Variants in RAB43 observed in about 807,000 individuals in gnomAD.
RAB43 encodes ras-related protein Rab-43.
RAB43 carries 6 observed loss-of-function variants against 18.8 expected under a neutral mutation model. The observed-to-expected ratio is 0.32, with a 90% CI of 0.17 to 0.63. RAB43 has a LOEUF of 0.63. Among genes scored for constraint, RAB43 ranks in the 30% least tolerant of loss-of-function variants. The pLI, the probability that RAB43 is intolerant of heterozygous loss-of-function variation, is 0.79. For synonymous variants in RAB43, 103 were observed against 124.1 expected, an observed-to-expected ratio of 0.83 and a Z score of 1.13; for missense variants, 195 against 289.1, an observed-to-expected ratio of 0.67 and a Z score of 2.36.
chr3:129,108,788 T>C (rs1157450899), intron 1 of RAB43, among the ~76,000 whole-genome samples: 1 of 152,162 alleles, frequency 6.6e-6, no homozygotes, highest in African/African-American at 2.4e-5. Flanking sequence ...GAGAAATCTT[T>C]AGAAATCAAC....
chr3:129,098,704 C>T (rs920017803), intron 1 of RAB43, among the ~76,000 whole-genome samples: 15 of 151,800 alleles, frequency 9.9e-5, no homozygotes, highest in East Asian at 1.9e-4. Flanking sequence ...AATGAGTGGA[C>T]GAATAGGGGA....
chr3:129,101,026 G>C (rs190833331), intron 1 of RAB43, among the ~76,000 whole-genome samples: 2 of 152,066 alleles, frequency 1.3e-5, no homozygotes, highest in Admixed American at 6.6e-5. Context: ...GGCTGGTCTC[G>C]AACTTCTGAC....
intron 1 of RAB43, among the ~76,000 whole-genome samples, chr3:129,115,650 T>A (rs958868691): frequency 9.9e-5 from 15 of 151,728 alleles, no homozygotes; most frequent in Non-Finnish European, 1.3e-4. Context: ...TGAAACCCCA[T>A]CTCTACCAAA....
intron 1 of RAB43, among the ~76,000 whole-genome samples, chr3:129,099,161 G>A (rs975684275): frequency 3.4e-5 from 5 of 148,322 alleles, no homozygotes; most frequent in African/African-American, 5.0e-5. Flanking sequence ...GCGCGGTCTC[G>A]GCTCACTGCA....
At chr3:129,115,173 T>TG (rs1433473067) in intron 1 of RAB43, among the ~76,000 whole-genome samples, 1 of 152,180 alleles carries the variant, frequency 6.6e-6, no homozygotes, top group Admixed American at 6.5e-5. Flanking sequence ...TTCAGCTACC[T>TG]GCCATCAACT....
intron 1 of RAB43, among the ~76,000 whole-genome samples, chr3:129,120,780 A>C (rs548851859): frequency 6.6e-6 from 1 of 151,972 alleles, no homozygotes; most frequent in African/African-American, 2.4e-5. Flanking sequence ...ATTCTGACAA[A>C]AAGTTTTGGC....
At chr3:129,106,289 G>A (rs1367183965) in intron 1 of RAB43, among the ~76,000 whole-genome samples, 2 of 152,210 alleles carry the variant, frequency 1.3e-5, no homozygotes, top group East Asian at 3.8e-4. Flanking sequence ...CCTTGGAAAA[G>A]TTAGTTCTCA....
intron 1 of RAB43, among the ~76,000 whole-genome samples, chr3:129,115,305 T>C (rs541283228): frequency 2.0e-5 from 3 of 150,796 alleles, no homozygotes; most frequent in African/African-American, 7.3e-5. Context: ...CTGGCCAACA[T>C]GGTGAAACGT....
intron 1 of RAB43, among the ~76,000 whole-genome samples, chr3:129,103,820 C>G (rs557373452): frequency 1.3e-5 from 2 of 152,328 alleles, no homozygotes; most frequent in African/African-American, 4.8e-5. Context: ...CCGCTTTGGC[C>G]TCCCAAAGTG....
At chr3:129,112,508 A>G (rs1223411906) in intron 1 of RAB43, among the ~76,000 whole-genome samples, 1 of 152,142 alleles carries the variant, frequency 6.6e-6, no homozygotes, top group Non-Finnish European at 1.5e-5. Context: ...AAACTGATGC[A>G]AGGAGGGGAA....
In RAB43 at chr3:129,121,692, G is replaced by A. The variant is rs1436923262; in HGVS notation, c.-203C>T. Reference sequence around the variant, plus strand: ...CCCCGGCTGGCTCCCGCCCCGGCCCGGCTCGGCCCCGCCCGGACCCGGTGC... The same window carrying A: ...CCCCGGCTGGCTCCCGCCCCGGCCCAGCTCGGCCCCGCCCGGACCCGGTGC... On this transcript the variant is annotated 5_prime_UTR_variant, in exon 1 of 3. Transcript: ENST00000315150. The A allele has an allele frequency of 3.4e-6, 1 of 294,386 alleles. No individual in the cohort carries two copies. Among genetic ancestry groups the A allele is most frequent in the Non-Finnish European group, 5.6e-6 (1 of 180,064 alleles). 18.2% of individuals were successfully genotyped at this position (294,386 alleles called of 1,614,324 possible).
At chr3:129,116,403 A>T (rs1159449115) in intron 1 of RAB43, among the ~76,000 whole-genome samples, 1 of 152,224 alleles carries the variant, frequency 6.6e-6, no homozygotes, top group East Asian at 1.9e-4. Flanking sequence ...CACGACCTAG[A>T]ACTTCTTTCT....
chr3:129,098,396 A>T (rs1244025470), intron 1 of RAB43, among the ~76,000 whole-genome samples: 4 of 152,258 alleles, frequency 2.6e-5, no homozygotes, highest in Admixed American at 2.6e-4. Flanking sequence ...CAAGGTGATC[A>T]GCCAGTAACT....
At position 129,092,374 on chromosome 3, in the gene RAB43, G is replaced by A. The variant is rs1423782620; in HGVS notation, c.389-1028C>T. 1.2e-5 allele frequency: 6 copies of A among 487,180 alleles called. No homozygotes were observed. The Admixed American group carries it at 1.8e-4, about 15-fold the overall frequency. The allele number at this position is 487,180 out of a possible 1,614,324, so 30.2% of individuals were successfully genotyped here. ...TGATGTGAATTTGTCTCAATAATCCGAGGGAGGGGAGGTGACATGGTACAG... is the reference window on the plus strand; with the variant it reads ...TGATGTGAATTTGTCTCAATAATCCAAGGGAGGGGAGGTGACATGGTACAG... On this transcript the variant is annotated intron_variant, in intron 2 of 2. Transcript: ENST00000315150.
At chr3:129,103,630 T>C (rs184349535) in intron 1 of RAB43, among the ~76,000 whole-genome samples, 33 of 152,110 alleles carry the variant, frequency 2.2e-4, no homozygotes, top group Admixed American at 2.1e-3. Flanking sequence ...AGTGGCACGA[T>C]CTCTGCTCGC....
intron 1 of RAB43, among the ~76,000 whole-genome samples, chr3:129,100,698 TAG>T (rs1310116766): frequency 6.6e-6 from 1 of 152,082 alleles, no homozygotes; most frequent in Admixed American, 6.6e-5. Context: ...TCCCCCAAAT[TAG>T]AGGAAGGGAA....
At chr3:129,120,167 G>C (rs1935815117) in intron 1 of RAB43, among the ~76,000 whole-genome samples, 1 of 152,210 alleles carries the variant, frequency 6.6e-6, no homozygotes, top group Non-Finnish European at 1.5e-5. Flanking sequence ...GACACATAAA[G>C]ACTGTTGACT....
chr3:129,110,096 C>A (rs2108017632), intron 1 of RAB43, among the ~76,000 whole-genome samples: 1 of 152,138 alleles, frequency 6.6e-6, no homozygotes, highest in East Asian at 1.9e-4. Context: ...AATTCCTGGG[C>A]TGTAGCAATC....
rs750630078 is a variant in RAB43, at chr3:129,091,073, C to T, written c.*23G>A. On this transcript the variant is annotated 3_prime_UTR_variant, in exon 3 of 3. Coordinates refer to ENST00000315150, the MANE Select transcript of RAB43 (RefSeq NM_198490.3). ...GGAGAGCAAGGAGGTGGGGAACCCC[C>T]AGTCTGCCGGCCCGGCCCCTGGTCA... The T allele has an allele frequency of 6.2e-7, 1 of 1,608,390 alleles. No homozygotes were observed. The highest frequency in any genetic ancestry group is 8.5e-7 in the Non-Finnish European group (1 of 1,178,598).
Sources: gnomAD v4.1 joint callset for allele counts (sites outside exome capture counted in the v4.1 genomes callset) on GRCh38, gnomAD v4.1.1 for gene constraint, MANE v1.5 for transcripts, NCBI Gene and HGNC (gene_info 2026-07-23, HGNC 2026-07-21) for gene names.